Variants in DGKI observed in about 807,000 individuals in gnomAD.
DGKI encodes the protein diacylglycerol kinase iota.
A neutral mutation model predicts 147.5 loss-of-function variants in DGKI; 55 were observed. The ratio of observed to expected loss-of-function variants is 0.37; its 90% CI spans 0.30 to 0.47. The LOEUF (loss-of-function observed/expected upper bound fraction) is 0.47. DGKI is among the 20% of genes least tolerant of loss of function. The probability of loss-of-function intolerance (pLI) is 1.00; values close to 1 mark genes in which losing one functional copy is unlikely to be tolerated. For synonymous variants in DGKI, 469 were observed against 477.1 expected, an observed-to-expected ratio of 0.98 and a Z score of 0.22; for missense variants, 1,007 against 1,323.8, an observed-to-expected ratio of 0.76 and a Z score of 3.71.
intron 30 of DGKI, among the ~76,000 whole-genome samples, chr7:137,399,048 C>T (rs918233954): frequency 6.6e-6 from 1 of 150,564 alleles, no homozygotes; most frequent in Admixed American, 6.6e-5. Flanking sequence ...GCACACTCAA[C>T]CACATATTTC....
intron 28 of DGKI, among the ~76,000 whole-genome samples, chr7:137,426,497 A>G (rs1415861254): frequency 2.0e-5 from 3 of 152,200 alleles, no homozygotes; most frequent in African/African-American, 7.2e-5. Context: ...TCAACTAACA[A>G]GCAAAATAAC....
chr7:137,722,706 T>C (rs1328459652), intron 1 of DGKI: 2 of 1,579,210 alleles, frequency 1.3e-6, no homozygotes, highest in East Asian at 2.2e-5. Flanking sequence ...AAGAGAAATA[T>C]GAGATTACGG....
chr7:137,556,057 A>T (rs1818213158), intron 19 of DGKI, among the ~76,000 whole-genome samples: 1 of 152,196 alleles, frequency 6.6e-6, no homozygotes, highest in Non-Finnish European at 1.5e-5. Context: ...GAAATTAAGA[A>T]TTACTCAACA....
chr7:137,386,300 G>T lies in DGKI; in HGVS notation c.*4920C>A, dbSNP rs1811174767. 6.6e-6 allele frequency: 1 copy of T among 152,018 alleles called. No individual in the cohort carries two copies. The highest frequency in any genetic ancestry group is 1.5e-5 in the Non-Finnish European group (1 of 67,992). The allele number at this position is 152,018 out of a possible 1,614,324, so 9.4% of individuals were successfully genotyped here. On this transcript the variant is annotated 3_prime_UTR_variant, in exon 33 of 33. Coordinates refer to ENST00000614521, the MANE Select transcript of DGKI (RefSeq NM_001321708.2). ...GAGGAGACAGTGTAAAACCAAAGATGGCCCTCAGCAGTGTAAAATCTATAA... is the reference window on the plus strand; with the variant it reads ...GAGGAGACAGTGTAAAACCAAAGATTGCCCTCAGCAGTGTAAAATCTATAA...
At chr7:137,559,981 G>A (rs1479882169) in intron 19 of DGKI, among the ~76,000 whole-genome samples, 1 of 152,166 alleles carries the variant, frequency 6.6e-6, no homozygotes, top group African/African-American at 2.4e-5. Flanking sequence ...TGGTCCAGTA[G>A]AATTCGTCCC....
chr7:137,542,928 C>A (rs1019871089), intron 20 of DGKI, among the ~76,000 whole-genome samples: 21 of 152,126 alleles, frequency 1.4e-4, no homozygotes, highest in African/African-American at 5.1e-4. Context: ...CAATATCCCA[C>A]AGAGCATTGA....
chr7:137,754,350 G>A (rs1462416635), intron 1 of DGKI, among the ~76,000 whole-genome samples: 2 of 152,170 alleles, frequency 1.3e-5, no homozygotes, highest in Non-Finnish European at 2.9e-5. Flanking sequence ...CTCCACTGGA[G>A]GGAGATCACA....
At chr7:137,596,717 C>T (rs936967061) in intron 12 of DGKI, among the ~76,000 whole-genome samples, 1 of 152,174 alleles carries the variant, frequency 6.6e-6, no homozygotes, top group African/African-American at 2.4e-5. Flanking sequence ...TGTTTTTACT[C>T]TCCACACAGT....
At chr7:137,758,418 G>T (rs147142873) in intron 1 of DGKI, among the ~76,000 whole-genome samples, 1 of 152,202 alleles carries the variant, frequency 6.6e-6, no homozygotes, top group African/African-American at 2.4e-5. Flanking sequence ...ATGTGCGGTG[G>T]CTTACACCTG....
chr7:137,710,238 A>G (rs1179441616), intron 1 of DGKI, among the ~76,000 whole-genome samples: 3 of 152,138 alleles, frequency 2.0e-5, no homozygotes, highest in African/African-American at 7.2e-5. Flanking sequence ...TACAATTTCA[A>G]TCAAAAGTCC....
chr7:137,657,715 G>A (rs1364392243), intron 3 of DGKI, among the ~76,000 whole-genome samples: 1 of 152,192 alleles, frequency 6.6e-6, no homozygotes, highest in Non-Finnish European at 1.5e-5. Context: ...TTCCCCTTCC[G>A]AGGAGTGGTT....
intron 1 of DGKI, among the ~76,000 whole-genome samples, chr7:137,719,978 G>T (rs1437619058): frequency 6.6e-6 from 1 of 152,158 alleles, no homozygotes; most frequent in Non-Finnish European, 1.5e-5. Flanking sequence ...ATGATTACGT[G>T]CAGGATAAGA....
intron 1 of DGKI, among the ~76,000 whole-genome samples, chr7:137,718,243 T>G (rs942657458): frequency 6.6e-6 from 1 of 152,186 alleles, no homozygotes; most frequent in African/African-American, 2.4e-5. Context: ...ATATTATTGT[T>G]GTGGTTGTTA....
At chr7:137,428,314 C>T (rs1427422208) in intron 28 of DGKI, among the ~76,000 whole-genome samples, 1 of 152,176 alleles carries the variant, frequency 6.6e-6, no homozygotes, top group African/African-American at 2.4e-5. Flanking sequence ...ATGATTATCT[C>T]AATAGATGCA....
At chr7:137,685,998 C>T (rs1823401939) in intron 2 of DGKI, among the ~76,000 whole-genome samples, 1 of 152,092 alleles carries the variant, frequency 6.6e-6, no homozygotes, top group Admixed American at 6.5e-5. Context: ...TCAATTCATC[C>T]CCTGACATCA....
intron 1 of DGKI, among the ~76,000 whole-genome samples, chr7:137,728,406 A>T (rs1258042346): frequency 6.6e-6 from 1 of 152,182 alleles, no homozygotes; most frequent in African/African-American, 2.4e-5. Context: ...AAAAAATTCT[A>T]TCGAGAAATG....
At chr7:137,525,891 G>C (rs10262297) in intron 20 of DGKI, among the ~76,000 whole-genome samples, 3 of 151,884 alleles carry the variant, frequency 2.0e-5, no homozygotes, top group Admixed American at 6.6e-5. Context: ...GGCTACCTCT[G>C]GGGGGAGATT....
chr7:137,582,972 T>G (rs1236708773), intron 14 of DGKI, among the ~76,000 whole-genome samples: 1 of 152,174 alleles, frequency 6.6e-6, no homozygotes, highest in Non-Finnish European at 1.5e-5. Flanking sequence ...ATAAGTGTTT[T>G]AACCCTCAAG....
Position 137,390,148 on chromosome 7 carries a change from T to A in DGKI, c.*1072A>T, listed in dbSNP as rs2128891704. On this transcript the variant is annotated 3_prime_UTR_variant, in exon 33 of 33. Transcript: ENST00000614521. ...ATGACTGTTTCCTATTTCAGTGACA[T>A]ATGTTGACATATGTTGCTACTTTTG... The A allele has an allele frequency of 6.6e-6, 1 of 152,286 alleles. No homozygotes were observed. The highest frequency in any genetic ancestry group is 2.4e-5 in the African/African-American group (1 of 41,560). The allele number at this position is 152,286 out of a possible 1,614,324, so 9.4% of individuals were successfully genotyped here.
Sources: gnomAD v4.1 joint callset for allele counts (sites outside exome capture counted in the v4.1 genomes callset) on GRCh38, gnomAD v4.1.1 for gene constraint, MANE v1.5 for transcripts, NCBI Gene and HGNC (gene_info 2026-07-23, HGNC 2026-07-21) for gene names.